The following PPP1R36 variants were observed in gnomAD, a reference collection of about 807,000 sequenced individuals.
PPP1R36 encodes the protein chromosome 14 open reading frame 50.
Under a neutral mutation model 53.4 loss-of-function variants are expected in PPP1R36, and 47 were observed. The observed-to-expected ratio is 0.88, with a 90% confidence interval of 0.70 to 1.12. The LOEUF is 1.12. Ranked by LOEUF, PPP1R36 falls within the 50% of genes most tolerant of loss-of-function variation. The pLI is 0.00. For missense variants in PPP1R36, 456 were observed against 513.9 expected (o/e 0.89, Z 1.09); for synonymous variants, 153 against 170.5 (o/e 0.90, Z 0.80).
intron 3 of PPP1R36, among the ~76,000 whole-genome samples, chr14:64,558,044 C>T (rs759183593): frequency 3.3e-5 from 5 of 151,982 alleles, no homozygotes; most frequent in Non-Finnish European, 7.4e-5. Context: ...AACCCTGATA[C>T]AGATAGGCCT....
intron 2 of PPP1R36, among the ~76,000 whole-genome samples, chr14:64,552,349 C>T (rs113224583): frequency 2.0e-5 from 3 of 151,926 alleles, no homozygotes; most frequent in Non-Finnish European, 2.9e-5. Context: ...ATTAGCCGGG[C>T]GTGATGGCGG....
At chr14:64,574,070 T>C (rs940825594) in intron 7 of PPP1R36, among the ~76,000 whole-genome samples, 10 of 152,220 alleles carry the variant, frequency 6.6e-5, no homozygotes, top group Non-Finnish European at 1.5e-4. Flanking sequence ...GTTGACTCAC[T>C]TGTATTTCTT....
chr14:64,550,165 G>A (rs1566645974), intron 1 of PPP1R36, 99 bp downstream of exon 1: 1 of 1,475,248 alleles, frequency 6.8e-7, no homozygotes, highest in Non-Finnish European at 9.0e-7. Flanking sequence ...TCCAGAGGCG[G>A]GTCGTCGCCT....
intron 1 of PPP1R36, 38 bp from the exon 2 acceptor site, chr14:64,550,883 C>T (rs370646023): frequency 3.3e-6 from 5 of 1,493,610 alleles, no homozygotes; most frequent in Admixed American, 1.8e-5. Flanking sequence ...GTAAATTGAG[C>T]TTTTAATTAT....
Position 64,587,334 on chromosome 14 carries a change from AG to A in PPP1R36, c.854del (p.Gly285GlufsTer7). 2 of 1,613,884 alleles carry A rather than the reference AG, an allele frequency of 1.2e-6. No homozygotes were observed. The highest frequency in any genetic ancestry group is 2.2e-5 in the South Asian group (2 of 91,036). ...GCAGGAGGCGTGAAGATGAGGAATC[AG>A]GAGGGGAAAAGAAACGCATGACTTT... is the stretch of plus-strand genomic sequence containing the variant. The part of the protein sequence containing the change: ...PRRRREDEES[G>X]GEKKRMTFVQ... On this transcript the variant is annotated frameshift_variant, in exon 10 of 12. Coordinates refer to ENST00000298705, the MANE Select transcript of PPP1R36 (RefSeq NM_172365.3). LOFTEE classifies it high-confidence loss of function.
At position 64,585,073 on chromosome 14, in the gene PPP1R36, T is replaced by A. The variant is rs573312822; in HGVS notation, c.669-1764T>A. ...CAAGTGGAGGGCTAGTTTGGGCCCA[T>A]TCAGACCAGGAAGTCCCTGTGAGAA... On this transcript the variant is annotated intron_variant, in intron 8 of 11. Transcript: ENST00000298705. Among the ~76,000 whole-genome samples, 8 of 152,316 alleles carry A rather than the reference T, an allele frequency of 5.3e-5. No homozygotes were observed. The South Asian group carries it at 1.7e-3, about 32-fold the overall frequency.
At chr14:64,561,488 A>T (rs1344128027) in intron 3 of PPP1R36, among the ~76,000 whole-genome samples, 1 of 152,248 alleles carries the variant, frequency 6.6e-6, no homozygotes, top group Non-Finnish European at 1.5e-5. Context: ...AAGGAAGAGC[A>T]GTGGAGAATG....
intron 2 of PPP1R36, chr14:64,551,734 A>C: frequency 4.4e-6 from 2 of 452,830 alleles, no homozygotes; most frequent in Non-Finnish European, 8.9e-6. Flanking sequence ...TCTAATGCTA[A>C]AGCCCTTTTC....
intron 3 of PPP1R36, among the ~76,000 whole-genome samples, chr14:64,553,424 A>G (rs2080113939): frequency 6.6e-6 from 1 of 152,194 alleles, no homozygotes; most frequent in Non-Finnish European, 1.5e-5. Flanking sequence ...TTTGTTCCCA[A>G]ATTGTTCTTA....
At chr14:64,564,697 A>G in intron 3 of PPP1R36, 54 bp from the exon 4 acceptor site, 3 of 1,196,518 alleles carry the variant, frequency 2.5e-6, no homozygotes, top group Non-Finnish European at 3.7e-6. Context: ...ATATGATTTG[A>G]CTTGTTTTCC....
At position 64,577,261 on chromosome 14, in the gene PPP1R36, A is replaced by G. The variant is rs139514093; in HGVS notation, c.668+2672A>G. On this transcript the variant is annotated intron_variant, in intron 8 of 11. Coordinates refer to ENST00000298705, the MANE Select transcript of PPP1R36 (RefSeq NM_172365.3). ...ACTTAATTACTTCCAAAGGCCTCACATCCTGAGACCATCACACTGGGAGTT... is the reference window on the plus strand; with the variant it reads ...ACTTAATTACTTCCAAAGGCCTCACGTCCTGAGACCATCACACTGGGAGTT... Among the ~76,000 whole-genome samples, 32 of 152,300 alleles carry G rather than the reference A, an allele frequency of 2.1e-4. No individual in the cohort carries two copies. The East Asian group carries it at 3.9e-3, about 18-fold the overall frequency.
intron 8 of PPP1R36, among the ~76,000 whole-genome samples, chr14:64,578,603 A>T (rs1005510934): frequency 6.6e-6 from 1 of 152,216 alleles, no homozygotes; most frequent in Non-Finnish European, 1.5e-5. Context: ...AAAAGTCAAA[A>T]AATAACAGAT....
At chr14:64,567,764 C>G (rs796311264) in intron 6 of PPP1R36, among the ~76,000 whole-genome samples, 11 of 152,188 alleles carry the variant, frequency 7.2e-5, no homozygotes, top group African/African-American at 2.7e-4. Flanking sequence ...TGGGTTCAAG[C>G]GATTCTCCTG....
rs766072892 is a variant in PPP1R36 at position 64,587,185 on chromosome 14, T to C, written c.712-9T>C. The C allele has an allele frequency of 2.5e-5, 40 of 1,594,934 alleles. No individual in the cohort carries two copies. The Admixed American group carries it at 6.4e-4, about 26-fold the overall frequency. ...AAGGATCGTGATTCTTGTCTATTTT[T>C]TGTTGTAGTCCTTTTATACTTTCTG... On this transcript the variant is annotated splice_polypyrimidine_tract_variant and intron_variant, in intron 9 of 11. Transcript: ENST00000298705.
chr14:64,567,588 A>G (rs930755449), intron 6 of PPP1R36, among the ~76,000 whole-genome samples: 9 of 152,226 alleles, frequency 5.9e-5, no homozygotes, highest in Non-Finnish European at 1.0e-4. Context: ...GTACATGTGT[A>G]TATGTTGGTG....
At chr14:64,587,965 A>G (rs1221106095) in intron 10 of PPP1R36, 139 bp from the exon 11 acceptor site, 1 of 798,570 alleles carries the variant, frequency 1.3e-6, no homozygotes, top group Admixed American at 2.6e-5. Context: ...GCTGGTCTCG[A>G]ACTCCTGGGC....
At chr14:64,570,874 G>C (rs1009948879) in intron 7 of PPP1R36, among the ~76,000 whole-genome samples, 1 of 152,174 alleles carries the variant, frequency 6.6e-6, no homozygotes, top group South Asian at 2.1e-4. Flanking sequence ...TACAGATGAA[G>C]AAATTAAGGC....
intron 7 of PPP1R36, among the ~76,000 whole-genome samples, chr14:64,571,969 G>A (rs560553139): frequency 1.3e-5 from 2 of 152,228 alleles, no homozygotes; most frequent in East Asian, 3.9e-4. Flanking sequence ...ACCTCCCATT[G>A]GGTCCCTCCC....
intron 7 of PPP1R36, among the ~76,000 whole-genome samples, chr14:64,571,788 G>A (rs1013497861): frequency 4.6e-5 from 7 of 152,128 alleles, no homozygotes; most frequent in African/African-American, 1.7e-4. Context: ...ACATGGCTGC[G>A]GAGGCCTCAC....
Sources: gnomAD v4.1 joint callset for allele counts (sites outside exome capture counted in the v4.1 genomes callset) on GRCh38, gnomAD v4.1.1 for gene constraint, MANE v1.5 for transcripts, NCBI Gene and HGNC (gene_info 2026-07-23, HGNC 2026-07-21) for gene names.